RBFOX1: variants seen among roughly 807,000 people sequenced by gnomAD.
The protein encoded by RBFOX1 is RNA binding fox-1 homolog 1.
RBFOX1 carries 8 observed loss-of-function variants against 57.7 expected under a neutral mutation model. The ratio of observed to expected loss-of-function variants is 0.14; its 90% CI spans 0.08 to 0.25. The LOEUF (loss-of-function observed/expected upper bound fraction) is 0.25, where lower values mean the gene tolerates loss of function less well. Among genes scored for constraint, RBFOX1 ranks in the 10% least tolerant of loss-of-function variants. The probability of loss-of-function intolerance (pLI) is 1.00; values close to 1 mark genes in which losing one functional copy is unlikely to be tolerated. For synonymous variants in RBFOX1, 326 were observed against 222.4 expected (o/e 1.47, Z -4.15); for missense variants, 611 against 548.5 (o/e 1.11, Z -1.14).
At chr16:6,367,834 C>T (rs1048069619) in intron 2 of RBFOX1, among the ~76,000 whole-genome samples, 1 of 152,014 alleles carries the variant, frequency 6.6e-6, no homozygotes, top group African/African-American at 2.4e-5. Flanking sequence ...GTTCCAACCA[C>T]AAACCATCCT....
chr16:5,519,073 G>C (rs924637976), intron 2 of RBFOX1, among the ~76,000 whole-genome samples: 1 of 152,162 alleles, frequency 6.6e-6, no homozygotes, highest in Non-Finnish European at 1.5e-5. Flanking sequence ...GCCATCTTCA[G>C]GCCAAGGAGA....
At chr16:5,628,244 G>C (rs1015364332) in intron 3 of RBFOX1, among the ~76,000 whole-genome samples, 1 of 152,188 alleles carries the variant, frequency 6.6e-6, no homozygotes, top group Non-Finnish European at 1.5e-5. Flanking sequence ...GGAGTTGAAA[G>C]AATCCAAGAA....
intron 4 of RBFOX1, among the ~76,000 whole-genome samples, chr16:5,966,992 G>C (rs1018982071): frequency 1.2e-4 from 2 of 17,152 alleles, no homozygotes; most frequent in African/African-American, 3.9e-4. Context: ...GCACTAAATC[G>C]GGGGGGGGGG....
At chr16:5,815,606 G>A (rs1236581768) in intron 3 of RBFOX1, among the ~76,000 whole-genome samples, 1 of 152,184 alleles carries the variant, frequency 6.6e-6, no homozygotes, top group Non-Finnish European at 1.5e-5. Flanking sequence ...GTTCCAGGAA[G>A]GAAGCCACAG....
Position 6,971,179 on chromosome 16 carries a change from G to C in RBFOX1, c.-15-80878G>C, listed in dbSNP as rs544766650. Among the ~76,000 whole-genome samples the C allele has an allele frequency of 7.6e-4, 116 of 152,302 alleles. 1 individual carries two copies. The highest frequency in any genetic ancestry group is 2.7e-3 in the African/African-American group (112 of 41,548). ...ATAGGAAGGAAATTATTGGGAAAAA[G>C]TATCCGCTATACAGAGATTTTAAAA... On this transcript the variant is annotated intron_variant, in intron 3 of 15. Transcript: ENST00000550418.
rs533077521 is a variant in RBFOX1, at chr16:5,325,915, A to G, written c.219+85810A>G. Reference sequence around the variant, plus strand: ...CATGAACAGGTTTTTGTTTAAACATAAGTTTTCATTTCTTAAGGGTAAATA... The same window carrying G: ...CATGAACAGGTTTTTGTTTAAACATGAGTTTTCATTTCTTAAGGGTAAATA... On this transcript the variant is annotated intron_variant, in intron 1 of 2. Transcript: ENST00000585867. 8.0e-4 allele frequency among the ~76,000 whole-genome samples: 122 copies of G among 152,304 alleles called. 1 individual carries two copies. Among genetic ancestry groups the G allele is most frequent in the Non-Finnish European group, 1.5e-3 (100 of 68,010 alleles).
intron 1 of RBFOX1, among the ~76,000 whole-genome samples, chr16:5,423,440 T>A (rs1348824742): frequency 2.0e-5 from 3 of 152,162 alleles, no homozygotes; most frequent in Middle Eastern, 3.2e-3. Context: ...ATAACTACCA[T>A]GTGATATCCC....
At chr16:7,710,190 A>C in intron 15 of RBFOX1, 1 of 1,027,636 alleles carries the variant, frequency 9.7e-7, no homozygotes. Context: ...TTAAGTAAGA[A>C]GTAGGTTGAG....
intron 5 of RBFOX1, among the ~76,000 whole-genome samples, chr16:7,527,761 C>A (rs960045779): frequency 1.3e-5 from 2 of 152,110 alleles, no homozygotes. Context: ...ACATAGTAAA[C>A]ATTCTACCAG....
chr16:6,297,965 G>A (rs1165829552), intron 1 of RBFOX1, among the ~76,000 whole-genome samples: 3 of 152,152 alleles, frequency 2.0e-5, no homozygotes, highest in African/African-American at 7.2e-5. Flanking sequence ...CTTCAATTCT[G>A]TGTGTGACCC....
chr16:6,889,202 C>A (rs576958673), intron 3 of RBFOX1, among the ~76,000 whole-genome samples: 2 of 152,136 alleles, frequency 1.3e-5, no homozygotes, highest in African/African-American at 4.8e-5. Context: ...TGTGAGCCAC[C>A]CCTGTCTTTG....
At chr16:6,141,846 G>C (rs71392462) in intron 1 of RBFOX1, among the ~76,000 whole-genome samples, 13,593 of 151,844 alleles carry the variant, frequency 0.09, 692 homozygotes, top group African/African-American at 0.13. Flanking sequence ...AACACTTGAG[G>C]TCAGGAGTTC....
At chr16:6,363,171 A>T (rs747504397) in intron 2 of RBFOX1, among the ~76,000 whole-genome samples, 6 of 152,316 alleles carry the variant, frequency 3.9e-5, no homozygotes, top group East Asian at 1.9e-4. Context: ...TTTTTTATTT[A>T]TATTGAAAAT....
intron 1 of RBFOX1, among the ~76,000 whole-genome samples, chr16:6,195,926 A>G (rs1488180525): frequency 6.6e-6 from 1 of 152,186 alleles, no homozygotes; most frequent in African/African-American, 2.4e-5. Flanking sequence ...GCTTGAGAAG[A>G]AGCAGAGCCA....
At chr16:7,133,679 T>A (rs1224025885) in intron 4 of RBFOX1, among the ~76,000 whole-genome samples, 1 of 152,188 alleles carries the variant, frequency 6.6e-6, no homozygotes, top group South Asian at 2.1e-4. Context: ...AGCAAAAAAA[T>A]TAATTGTTTA....
intron 4 of RBFOX1, among the ~76,000 whole-genome samples, chr16:7,351,682 C>T (rs532203212): frequency 6.6e-5 from 10 of 152,212 alleles, no homozygotes; most frequent in African/African-American, 2.4e-4. Flanking sequence ...CCTGGGTTTG[C>T]CTTAGAGACA....
chr16:7,610,118 C>CCTTT (rs71394327), intron 10 of RBFOX1, among the ~76,000 whole-genome samples: 1 of 65,622 alleles, frequency 1.5e-5, no homozygotes, highest in African/African-American at 8.0e-5. Context: ...GCCCGGCCCC[C>CCTTT]TTTTTTTTTT....
At chr16:7,110,260 C>T (rs898104602) in intron 4 of RBFOX1, among the ~76,000 whole-genome samples, 2 of 151,312 alleles carry the variant, frequency 1.3e-5, no homozygotes, top group Non-Finnish European at 2.9e-5. Context: ...CTCGGGGAGG[C>T]TGAGGCAGAA....
At chr16:6,558,324 G>A (rs546965219) in intron 2 of RBFOX1, among the ~76,000 whole-genome samples, 14 of 152,226 alleles carry the variant, frequency 9.2e-5, no homozygotes, top group African/African-American at 2.6e-4. Flanking sequence ...GCATGTTGCC[G>A]CTGCTGCTGC....
Sources: gnomAD v4.1 joint callset for allele counts (sites outside exome capture counted in the v4.1 genomes callset) on GRCh38, gnomAD v4.1.1 for gene constraint, MANE v1.5 for transcripts, NCBI Gene and HGNC (gene_info 2026-07-23, HGNC 2026-07-21) for gene names.